Variants in KIR2DL3 observed in about 807,000 individuals in gnomAD.
KIR2DL3 encodes killer cell immunoglobulin-like receptor 2DL3.
In KIR2DL3, 39 loss-of-function variants were observed where a neutral mutation model predicts 33.8. The observed-to-expected ratio is 1.15, with a 90% confidence interval of 0.89 to 1.51. KIR2DL3 has a LOEUF of 1.51. KIR2DL3 is among the 40% of genes most tolerant of loss of function. KIR2DL3 has a pLI of 0.00. For synonymous variants in KIR2DL3, 174 were observed against 160.2 expected, an observed-to-expected ratio of 1.09 and a Z score of -0.65; for missense variants, 462 against 426.2, an observed-to-expected ratio of 1.08 and a Z score of -0.74.
chr19:54,744,993 A>C (rs11880168), intron 4 of KIR2DL3, among the ~76,000 whole-genome samples: 42,656 of 92,266 alleles, frequency 0.46, 8,824 homozygotes, highest in Middle Eastern at 0.6. Flanking sequence ...CCACCCTTTT[A>C]TTCCTGGCCT....
Position 54,752,565 on chromosome 19 carries a change from G to A in KIR2DL3, c.*46G>A, listed in dbSNP as rs2073647330. ...ATGAGCACCACAGTCAGGCCTTGAGGGGATCTTCTAGGGAGACAACAGCCC... is the reference window on the plus strand; with the variant it reads ...ATGAGCACCACAGTCAGGCCTTGAGAGGATCTTCTAGGGAGACAACAGCCC... On this transcript the variant is annotated 3_prime_UTR_variant, in exon 8 of 8. Transcript: ENST00000342376. The A allele has an allele frequency of 7.5e-6, 11 of 1,460,604 alleles. 4 individuals are homozygous for A. Among genetic ancestry groups the A allele is most frequent in the Middle Eastern group, 3.9e-4 (2 of 5,130 alleles). The allele number at this position is 1,460,604 out of a possible 1,614,324, so 90.5% of individuals were successfully genotyped here.
Position 54,739,455 on chromosome 19 carries a change from G to T in KIR2DL3, c.35-52G>T, listed in dbSNP as rs1340237548. 8.1e-6 allele frequency: 13 copies of T among 1,613,082 alleles called. No individual in the cohort carries two copies. In the East Asian group the frequency reaches 1.8e-4, roughly 22 times the overall value. ...CTCACAGCCCAGTGGGGGCAGCAAG[G>T]GAGGCCTGGTTTGCCTGCAGATGGA... On this transcript the variant is annotated intron_variant, in intron 1 of 7. Transcript: ENST00000342376.
At chr19:54,747,897 C>T (rs1459709309) in intron 5 of KIR2DL3, among the ~76,000 whole-genome samples, 7 of 152,234 alleles carry the variant, frequency 4.6e-5, no homozygotes, top group African/African-American at 1.7e-4. Context: ...GCCCCATGCT[C>T]AGGCTGTGCA....
At chr19:54,741,923 G>A (rs2071200630) in intron 2 of KIR2DL3, 57 bp from the exon 3 acceptor site, 3 of 1,432,212 alleles carry the variant, frequency 2.1e-6, no homozygotes, top group Non-Finnish European at 2.9e-6. Context: ...CATTCTAGGT[G>A]CCATGGATGG....
At chr19:54,738,637 G>T in intron 1 of KIR2DL3, 58 bp downstream of exon 1, 1 of 1,612,872 alleles carries the variant, frequency 6.2e-7, no homozygotes, top group Non-Finnish European at 8.5e-7. Flanking sequence ...GGGGCCCAGA[G>T]TTGGAGATAT....
intron 2 of KIR2DL3, 28 bp downstream of exon 2, chr19:54,739,570 T>C: frequency 4.3e-6 from 7 of 1,613,970 alleles, no homozygotes; most frequent in Non-Finnish European, 5.9e-6. Context: ...CCTTCGGGTG[T>C]CATCTCCCCA....
rs377407133 is a variant in KIR2DL3 at position 54,738,535 on chromosome 19, C to T, written c.-11C>T. On this transcript the variant is annotated 5_prime_UTR_variant, in exon 1 of 8. Coordinates refer to ENST00000342376, the MANE Select transcript of KIR2DL3 (RefSeq NM_015868.3). ...GCTGGGGCGCGGCCGCCTGTCTGCA[C>T]AGACAGCACCATGTCGCTCATGGTC... The T allele has an allele frequency of 2.5e-6, 4 of 1,614,188 alleles. No homozygotes were observed. Among genetic ancestry groups the T allele is most frequent in the East Asian group, 4.5e-5 (2 of 44,886 alleles).
Position 54,744,155 on chromosome 19 carries a change from G to A in KIR2DL3, c.664+67G>A. 3.1e-6 allele frequency: 5 copies of A among 1,596,788 alleles called. No homozygotes were observed. The Admixed American group carries it at 5.2e-5, about 17-fold the overall frequency. On this transcript the variant is annotated intron_variant, in intron 4 of 7. Coordinates refer to ENST00000342376, the MANE Select transcript of KIR2DL3 (RefSeq NM_015868.3). ...AGCCTTAGCTGAGGAGCTTCCTGCT[G>A]ATGATGGAGAGAAGCATGGACAGAT...
rs1279636971 is a variant in KIR2DL3 at position 54,744,162 on chromosome 19, G to A, written c.664+74G>A. ...GCTGAGGAGCTTCCTGCTGATGATG[G>A]AGAGAAGCATGGACAGATGCAGAGA... On this transcript the variant is annotated intron_variant, in intron 4 of 7. Coordinates refer to ENST00000342376, the MANE Select transcript of KIR2DL3 (RefSeq NM_015868.3). 3.8e-6 allele frequency: 6 copies of A among 1,593,792 alleles called. No individual in the cohort carries two copies. In the East Asian group the frequency reaches 6.7e-5, roughly 18 times the overall value.
At chr19:54,739,379 G>C (rs2070529716) in intron 1 of KIR2DL3, 128 bp from the exon 2 acceptor site, 1 of 1,503,180 alleles carries the variant, frequency 6.7e-7, no homozygotes, top group African/African-American at 1.4e-5. Flanking sequence ...GGTGCAGGTA[G>C]GCACTGAGGG....
Position 54,741,979 on chromosome 19 carries a change from G to A in KIR2DL3, c.71-1G>A, listed in dbSNP as rs199968310. On this transcript the variant is annotated splice_acceptor_variant, in intron 2 of 7. Transcript: ENST00000342376. LOFTEE classifies it high-confidence loss of function. ...TCTAAACTCACAACCTCTCTTCCTAGGAGTCCACAGAAAACCTTCCCTCCT... is the reference window on the plus strand; with the variant it reads ...TCTAAACTCACAACCTCTCTTCCTAAGAGTCCACAGAAAACCTTCCCTCCT... The A allele has an allele frequency of 4.4e-6, 7 of 1,603,566 alleles. No individual in the cohort carries two copies. The African/African-American group carries it at 9.4e-5, about 22-fold the overall frequency.
At chr19:54,741,743 T>G (rs564648242) in intron 2 of KIR2DL3, among the ~76,000 whole-genome samples, 43 of 149,890 alleles carry the variant, frequency 2.9e-4, no homozygotes, top group Non-Finnish European at 5.9e-4. Context: ...CCCCAAGAGA[T>G]GAGGCTCAGC....
At chr19:54,747,200 GA>G (rs1351688308) in intron 4 of KIR2DL3, 134 bp from the exon 5 acceptor site, 43 of 1,075,470 alleles carry the variant, frequency 4.0e-5, no homozygotes, top group East Asian at 7.1e-5. Flanking sequence ...AAAAATTACG[GA>G]AAAAAGGATC....
At chr19:54,740,750 G>T (rs1468317137) in intron 2 of KIR2DL3, among the ~76,000 whole-genome samples, 16 of 151,932 alleles carry the variant, frequency 1.1e-4, no homozygotes, top group Admixed American at 4.6e-4. Context: ...CCTGGAGTCT[G>T]TGACTATTTA....
At chr19:54,744,226 A>G (rs1319516698) in intron 4 of KIR2DL3, 138 bp downstream of exon 4, 22 of 1,379,572 alleles carry the variant, frequency 1.6e-5, no homozygotes, top group Non-Finnish European at 2.1e-5. Context: ...ATCAGGGCAC[A>G]GGATGGCAGA....
At chr19:54,740,647 T>C (rs1413222697) in intron 2 of KIR2DL3, among the ~76,000 whole-genome samples, 1 of 151,790 alleles carries the variant, frequency 6.6e-6, no homozygotes, top group African/African-American at 2.4e-5. Context: ...ACGCAGGCCC[T>C]GACTGTATTT....
At chr19:54,740,261 C>T (rs1311288017) in intron 2 of KIR2DL3, among the ~76,000 whole-genome samples, 1 of 152,064 alleles carries the variant, frequency 6.6e-6, no homozygotes, top group Non-Finnish European at 1.5e-5. Context: ...GCGCCTCCTT[C>T]TCCCCAAGGT....
intron 2 of KIR2DL3, among the ~76,000 whole-genome samples, chr19:54,741,684 AC>A (rs1217317811): frequency 6.6e-6 from 1 of 151,444 alleles, no homozygotes; most frequent in Non-Finnish European, 1.5e-5. Context: ...TTCCTCTTTC[AC>A]CCCCACATAA....
rs2072725774 is a variant in KIR2DL3 at position 54,747,471 on chromosome 19, G to A, written c.715+86G>A. 6 of 1,495,844 alleles carry A rather than the reference G, an allele frequency of 4.0e-6. No individual in the cohort carries two copies. The Admixed American group carries it at 8.4e-5, about 21-fold the overall frequency. 92.7% of individuals were successfully genotyped at this position (1,495,844 alleles called of 1,614,324 possible). ...GCAGGCATTGACTCAGCATCTCGCA[G>A]CTCTGACATTGTACGCCTGTCTTCT... On this transcript the variant is annotated intron_variant, in intron 5 of 7. Coordinates refer to ENST00000342376, the MANE Select transcript of KIR2DL3 (RefSeq NM_015868.3).
Sources: allele counts gnomAD v4.1 joint callset (sites outside exome capture counted in the v4.1 genomes callset), GRCh38; gene constraint gnomAD v4.1.1; transcripts MANE v1.5; gene names NCBI Gene and HGNC (gene_info 2026-07-23, HGNC 2026-07-21).